The following SIM2 variants were observed in gnomAD, a reference collection of about 807,000 sequenced individuals.
SIM2 encodes the protein SIM bHLH transcription factor 2.
A neutral mutation model predicts 64.8 loss-of-function variants in SIM2; 28 were observed. The observed-to-expected ratio is 0.43, with a 90% CI of 0.32 to 0.59. The LOEUF is 0.59. SIM2 is among the 20% of genes least tolerant of loss of function. The pLI is 0.07. For synonymous variants in SIM2, 408 were observed against 391.1 expected (o/e 1.04, Z -0.51); for missense variants, 847 against 871.4 (o/e 0.97, Z 0.35).
intron 4 of SIM2, among the ~76,000 whole-genome samples, chr21:36,720,857 C>T (rs1371892195): frequency 1.3e-5 from 2 of 152,200 alleles, no homozygotes; most frequent in Non-Finnish European, 2.9e-5. Flanking sequence ...GCCAACAGGC[C>T]TCTTGACAAA....
chr21:36,737,983 G>GT (rs2089096371), intron 7 of SIM2, among the ~76,000 whole-genome samples: 3 of 49,890 alleles, frequency 6.0e-5, no homozygotes, highest in African/African-American at 1.3e-4. Flanking sequence ...AAAAAAAAAA[G>GT]CAAAAAAAAA....
rs2088959127 is a variant in SIM2, at chr21:36,730,976, C to T, written c.744-69C>T. ...TTTAGCACTTGATTAGTTGGCAAAA[C>T]CAATATTAGTTTAAATGAAAGGCAG... On this transcript the variant is annotated intron_variant, in intron 6 of 10. Transcript: ENST00000290399. 5 of 1,146,100 alleles carry T rather than the reference C, an allele frequency of 4.4e-6. No homozygotes were observed. In the East Asian group the frequency reaches 1.2e-4, roughly 27 times the overall value. 71.0% of individuals were successfully genotyped at this position (1,146,100 alleles called of 1,614,324 possible). A position where few individuals can be genotyped will look rare whatever the true frequency, so the allele number is the denominator to read the frequency against.
Position 36,704,811 on chromosome 21 carries a change from G to T in SIM2, c.176-4357G>T, listed in dbSNP as rs150262392. On this transcript the variant is annotated intron_variant, in intron 1 of 10. Transcript: ENST00000290399. The stretch of plus-strand genomic sequence containing the variant: ...CCTTCCCTGCCCCTCCCCATCGGCC[G>T]CGGGAGGCTTTCTTGGGGCGTCCCC... Among the ~76,000 whole-genome samples, 136 of 152,334 alleles carry T rather than the reference G, an allele frequency of 8.9e-4. 1 individual carries two copies. Among genetic ancestry groups the T allele is most frequent in the Non-Finnish European group, 5.4e-4 (37 of 68,026 alleles).
At chr21:36,704,290 C>G (rs1051546551) in intron 1 of SIM2, among the ~76,000 whole-genome samples, 2 of 152,238 alleles carry the variant, frequency 1.3e-5, no homozygotes, top group Non-Finnish European at 2.9e-5. Flanking sequence ...AAACTCACCC[C>G]TATACCCCTC....
At chr21:36,742,014 A>G (rs1440941911) in intron 8 of SIM2, 150 bp downstream of exon 8, 10 of 820,994 alleles carry the variant, frequency 1.2e-5, no homozygotes, top group Non-Finnish European at 1.2e-5. Context: ...TTTTTTTTTT[A>G]GGAATCTGGT....
rs1555877734 is a variant in SIM2, at chr21:36,744,311, C to CCA, written c.1168-417_1168-416insCA. 2.7e-3 allele frequency among the ~76,000 whole-genome samples: 114 copies of CCA among 41,620 alleles called. 1 individual carries two copies. Among genetic ancestry groups the CCA allele is most frequent in the South Asian group, 7.8e-3 (7 of 898 alleles). The allele number at this position is 41,620 out of a possible 152,430, so 27.3% of individuals were successfully genotyped here. A position where few individuals can be genotyped will look rare whatever the true frequency, so the allele number is the denominator to read the frequency against. ...GAACGTCACGGCCTCCACATTATGA[C>CCA]AAAAAAAAAAAAAAAAAGAAAGAAG... is the stretch of plus-strand genomic sequence containing the variant. On this transcript the variant is annotated intron_variant, in intron 9 of 10. Transcript: ENST00000290399.
intron 2 of SIM2, 117 bp downstream of exon 2, chr21:36,709,367 G>T (rs918962804): frequency 1.2e-6 from 1 of 867,544 alleles, no homozygotes; most frequent in South Asian, 1.4e-5. Context: ...GAGGCTGCCG[G>T]GGGCTGGGGA....
At chr21:36,738,188 T>A (rs1026451057) in intron 7 of SIM2, among the ~76,000 whole-genome samples, 2 of 151,858 alleles carry the variant, frequency 1.3e-5, no homozygotes, top group African/African-American at 2.4e-5. Context: ...CTCACCCCCA[T>A]ACGTATTATT....
At chr21:36,718,111 A>T (rs951342470) in intron 3 of SIM2, among the ~76,000 whole-genome samples, 5 of 152,166 alleles carry the variant, frequency 3.3e-5, no homozygotes, top group African/African-American at 4.8e-5. Context: ...ATAATGTAAA[A>T]CATAGAACTG....
intron 1 of SIM2, among the ~76,000 whole-genome samples, chr21:36,707,973 G>GTTCCTGGGGTGGGGGGCGGGCAT (rs780782783): frequency 6.6e-6 from 1 of 150,992 alleles, no homozygotes; most frequent in African/African-American, 2.4e-5. Context: ...GCCTGGCCCA[G>GTTCCTGGGGTGGGGGGCGGGCAT]CGTGGGTTGG....
intron 5 of SIM2, among the ~76,000 whole-genome samples, chr21:36,725,396 G>A (rs1202492913): frequency 6.6e-6 from 1 of 152,172 alleles, no homozygotes; most frequent in African/African-American, 2.4e-5. Flanking sequence ...AGCGTGTCGA[G>A]TGATACAGAT....
chr21:36,700,001 C>T, intron 1 of SIM2, 80 bp downstream of exon 1: 4 of 1,420,138 alleles, frequency 2.8e-6, no homozygotes, highest in Non-Finnish European at 3.8e-6. Context: ...GCCAGCCCGC[C>T]CAGAGGGGTT....
chr21:36,732,656 T>C (rs1020055628), intron 7 of SIM2, among the ~76,000 whole-genome samples: 4 of 152,252 alleles, frequency 2.6e-5, no homozygotes, highest in African/African-American at 9.6e-5. Context: ...AACCCTTTTG[T>C]GTCTTTTGTT....
At chr21:36,734,903 T>C (rs1381055833) in intron 7 of SIM2, among the ~76,000 whole-genome samples, 2 of 152,102 alleles carry the variant, frequency 1.3e-5, no homozygotes, top group African/African-American at 4.8e-5. Context: ...CAGGGCTGGG[T>C]GGCACCTGTT....
chr21:36,718,585 G>A (rs754920648), intron 3 of SIM2, among the ~76,000 whole-genome samples: 8 of 152,132 alleles, frequency 5.3e-5, no homozygotes, highest in Non-Finnish European at 7.4e-5. Context: ...AAGATCCTTC[G>A]CCACCCAAGG....
At chr21:36,733,006 G>A (rs1309115211) in intron 7 of SIM2, among the ~76,000 whole-genome samples, 1 of 152,126 alleles carries the variant, frequency 6.6e-6, no homozygotes, top group Non-Finnish European at 1.5e-5. Context: ...ACCTCCACAC[G>A]CTCCCCCTGC....
At chr21:36,723,257 G>A in intron 5 of SIM2, 127 bp downstream of exon 5, 1 of 724,284 alleles carries the variant, frequency 1.4e-6, no homozygotes, top group Non-Finnish European at 2.5e-6. Flanking sequence ...GAGCTCTCCA[G>A]CAACGTGGTG....
At chr21:36,703,104 C>A (rs999099589) in intron 1 of SIM2, among the ~76,000 whole-genome samples, 1 of 152,142 alleles carries the variant, frequency 6.6e-6, no homozygotes, top group Non-Finnish European at 1.5e-5. Context: ...TCCTGTGGGG[C>A]ATGTTCTCAC....
intron 1 of SIM2, among the ~76,000 whole-genome samples, chr21:36,707,515 G>T (rs898047267): frequency 6.6e-6 from 1 of 152,172 alleles, no homozygotes; most frequent in Non-Finnish European, 1.5e-5. Context: ...CCTCAGCCAG[G>T]ATAAGCCCCT....
Sources: gnomAD v4.1 joint callset for allele counts (sites outside exome capture counted in the v4.1 genomes callset) on GRCh38, gnomAD v4.1.1 for gene constraint, MANE v1.5 for transcripts, NCBI Gene and HGNC (gene_info 2026-07-23, HGNC 2026-07-21) for gene names.